METAP1: variants seen among roughly 807,000 people sequenced by gnomAD.
METAP1 encodes methionine aminopeptidase 1.
A neutral mutation model predicts 53.8 loss-of-function variants in METAP1; 28 were observed. The observed-to-expected ratio is 0.52, with a 90% CI of 0.39 to 0.71. The LOEUF is 0.71. Ranked by LOEUF, METAP1 falls within the 30% of genes least tolerant of loss-of-function variation. The pLI, the probability that METAP1 is intolerant of heterozygous loss-of-function variation, is 0.00. For missense variants in METAP1, 389 were observed against 479.8 expected (o/e 0.81, Z 1.77); for synonymous variants, 181 against 165.7 (o/e 1.09, Z -0.71).
chr4:99,019,966 C>T (rs1280223323), intron 1 of METAP1, among the ~76,000 whole-genome samples: 3 of 152,080 alleles, frequency 2.0e-5, no homozygotes, highest in Non-Finnish European at 2.9e-5. Context: ...GGTGCAGACT[C>T]CTTGATACCT....
chr4:98,998,258 C>T (rs1291462674), intron 1 of METAP1, among the ~76,000 whole-genome samples: 2 of 152,222 alleles, frequency 1.3e-5, no homozygotes, highest in South Asian at 2.1e-4. Context: ...CATGGTGGCT[C>T]ACACCTGTAA....
At chr4:99,031,101 G>GTTTTT (rs56082818) in intron 2 of METAP1, among the ~76,000 whole-genome samples, 1,867 of 109,806 alleles carry the variant, frequency 0.017, 32 homozygotes, top group Non-Finnish European at 0.027. Flanking sequence ...CTCAAAGGTA[G>GTTTTT]TTTTTTTTTT....
At chr4:99,026,645 C>A in intron 1 of METAP1, 1 of 985,324 alleles carries the variant, frequency 1.0e-6, no homozygotes, top group South Asian at 4.7e-5. Context: ...ATTAACTCTT[C>A]AGAGAATGGA....
intron 10 of METAP1, 57 bp downstream of exon 10, chr4:99,057,875 A>G: frequency 7.0e-6 from 10 of 1,438,680 alleles, no homozygotes; most frequent in Non-Finnish European, 9.5e-6. Flanking sequence ...ATTTTAGGTA[A>G]TTCATCATGT....
At chr4:99,000,913 C>T (rs144519105) in intron 1 of METAP1, among the ~76,000 whole-genome samples, 4 of 152,200 alleles carry the variant, frequency 2.6e-5, no homozygotes, top group African/African-American at 9.6e-5. Flanking sequence ...CCGTGTTGCC[C>T]AGGCTGGTCT....
At chr4:99,047,648 A>C (rs1228515453) in intron 8 of METAP1, among the ~76,000 whole-genome samples, 7 of 152,178 alleles carry the variant, frequency 4.6e-5, no homozygotes, top group Non-Finnish European at 1.0e-4. Flanking sequence ...GGAAAGATAC[A>C]TTGTATCTGA....
rs1726476842 is a variant in METAP1, at chr4:99,048,949, AC to A, written c.931+75del. On this transcript the variant is annotated intron_variant, in intron 9 of 10. Coordinates refer to ENST00000296411, the MANE Select transcript of METAP1 (RefSeq NM_015143.3). ...AATACTTATTCATACATTTAACAGT[AC>A]CTACTATTTTGTATTCACTAGAGTA... is the stretch of plus-strand genomic sequence containing the variant. 28 of 1,500,774 alleles carry A rather than the reference AC, an allele frequency of 1.9e-5. No individual in the cohort carries two copies. In the South Asian group the frequency reaches 3.4e-4, roughly 18 times the overall value. 93.0% of individuals were successfully genotyped at this position (1,500,774 alleles called of 1,614,324 possible).
intron 8 of METAP1, among the ~76,000 whole-genome samples, chr4:99,046,952 A>G (rs574263162): frequency 3.7e-4 from 56 of 150,808 alleles, no homozygotes; most frequent in Middle Eastern, 3.4e-3. Flanking sequence ...AAAAAAAAAA[A>G]AAAAAAGAAA....
intron 1 of METAP1, among the ~76,000 whole-genome samples, chr4:99,019,667 T>A (rs1393998238): frequency 1.3e-5 from 2 of 152,152 alleles, no homozygotes; most frequent in Admixed American, 6.5e-5. Context: ...CCAAAAAATT[T>A]TTGCCTTTTG....
At chr4:99,039,568 T>G in intron 5 of METAP1, 103 bp downstream of exon 5, 1 of 656,634 alleles carries the variant, frequency 1.5e-6, no homozygotes, top group Non-Finnish European at 2.6e-6. Flanking sequence ...GTTATATTGT[T>G]AGACTGACCA....
intron 5 of METAP1, 134 bp downstream of exon 5, chr4:99,039,599 T>A: frequency 1.9e-6 from 1 of 531,096 alleles, no homozygotes; most frequent in Non-Finnish European, 3.2e-6. Flanking sequence ...TTTTTTTTTT[T>A]TAACTTTTTT....
intron 2 of METAP1, chr4:99,031,579 C>T (rs1725033460): frequency 7.8e-7 from 1 of 1,287,634 alleles, no homozygotes. Context: ...CTAAGTCTCA[C>T]CTCCAAGATG....
chr4:98,998,635 G>C (rs1418795397), intron 1 of METAP1, among the ~76,000 whole-genome samples: 1 of 152,186 alleles, frequency 6.6e-6, no homozygotes, highest in Non-Finnish European at 1.5e-5. Context: ...TCTGGTCCCT[G>C]GCCTGGCTGT....
At chr4:99,013,817 C>A (rs950769947) in intron 1 of METAP1, among the ~76,000 whole-genome samples, 31 of 152,222 alleles carry the variant, frequency 2.0e-4, no homozygotes, top group African/African-American at 6.5e-4. Flanking sequence ...CCTACTGGAA[C>A]AAGCTGGAGC....
chr4:99,061,036 C>T, intron 10 of METAP1, 118 bp from the exon 11 acceptor site: 1 of 1,070,114 alleles, frequency 9.3e-7, no homozygotes, highest in Non-Finnish European at 1.3e-6. Context: ...AAGGCATTAG[C>T]TAAAACAATT....
intron 1 of METAP1, among the ~76,000 whole-genome samples, chr4:99,024,038 T>A (rs961612995): frequency 6.6e-6 from 1 of 152,180 alleles, no homozygotes; most frequent in Non-Finnish European, 1.5e-5. Context: ...AGAAATGAAA[T>A]CTACAAGCCC....
intron 1 of METAP1, chr4:99,025,348 T>A (rs1724485698): frequency 1.0e-6 from 1 of 982,678 alleles, no homozygotes; most frequent in Non-Finnish European, 1.2e-6. Flanking sequence ...GAGTTATAAT[T>A]TTGCAGTAGC....
At position 99,028,914 on chromosome 4, in the gene METAP1, A is replaced by G. The variant is rs1724781978; in HGVS notation, c.162A>G (p.Lys54=). The stretch of plus-strand genomic sequence containing the variant: ...CTACTCACAAGTTACTACATAAGAA[A>G]GCAAGTAAGTACAATCACAAATTTT... ...SWATHKLLHK[K]AKDEKAKREV... Residue 54 remains lysine, a synonymous_variant, in exon 2 of 11, where the codon AAA becomes AAG. Transcript: ENST00000296411. 14 of 1,543,306 alleles carry G rather than the reference A, an allele frequency of 9.1e-6. No homozygotes were observed. Among genetic ancestry groups the G allele is most frequent in the Non-Finnish European group, 1.2e-5 (14 of 1,141,824 alleles).
Position 99,043,340 on chromosome 4 carries a change from A to G in METAP1, c.608A>G (p.His203Arg). 5 of 1,606,096 alleles carry G rather than the reference A, an allele frequency of 3.1e-6. No homozygotes were observed. The highest frequency in any genetic ancestry group is 4.3e-6 in the Non-Finnish European group (5 of 1,175,798). The change falls in exon 7 of 11, where the codon CAT becomes CGT. Residue 203 changes from histidine to arginine, a missense_variant. Coordinates refer to ENST00000296411, the MANE Select transcript of METAP1 (RefSeq NM_015143.3). ...CCTSVNEVIC[H>R]GIPDRRPLQE... ...ACCTCAGTGAATGAAGTCATTTGCC[A>G]TGGAATACCAGACAGAAGGCCCTTA...
Sources: allele counts gnomAD v4.1 joint callset (sites outside exome capture counted in the v4.1 genomes callset), GRCh38; gene constraint gnomAD v4.1.1; transcripts MANE v1.5; gene names NCBI Gene and HGNC (gene_info 2026-07-23, HGNC 2026-07-21).